The following CCDC3 variants were observed in gnomAD, a reference collection of about 807,000 sequenced individuals.
The protein encoded by CCDC3 is coiled-coil domain-containing protein 3.
In CCDC3, 24 loss-of-function variants were observed where a neutral mutation model predicts 21.4. The ratio of observed to expected loss-of-function variants is 1.12; its 90% CI spans 0.81 to 1.58. The LOEUF (loss-of-function observed/expected upper bound fraction) is 1.58. Ranked by LOEUF, CCDC3 falls within the 40% of genes most tolerant of loss-of-function variation. The probability of loss-of-function intolerance (pLI) is 0.00; values close to 1 mark genes in which losing one functional copy is unlikely to be tolerated. For missense variants in CCDC3, 425 were observed against 360.9 expected, an observed-to-expected ratio of 1.18 and a Z score of -1.44; for synonymous variants, 186 against 166.0, an observed-to-expected ratio of 1.12 and a Z score of -0.93.
chr10:12,928,514 C>T (rs898895636), intron 2 of CCDC3, among the ~76,000 whole-genome samples: 1 of 152,178 alleles, frequency 6.6e-6, no homozygotes, highest in Non-Finnish European at 1.5e-5. Flanking sequence ...TTTTCTTATT[C>T]TCTTGGCAGG....
At chr10:13,085,124 G>T (rs1175221934) in intron 3 of CCDC3, among the ~76,000 whole-genome samples, 1 of 152,108 alleles carries the variant, frequency 6.6e-6, no homozygotes, top group Non-Finnish European at 1.5e-5. Context: ...AAGTGTTCTG[G>T]CTTCCAGGCA....
intron 2 of CCDC3, among the ~76,000 whole-genome samples, chr10:12,922,103 G>A (rs1166279266): frequency 2.6e-5 from 4 of 152,032 alleles, no homozygotes; most frequent in African/African-American, 9.6e-5. Flanking sequence ...TTACCACCAT[G>A]TACAGTCCAG....
chr10:13,097,258 A>G (rs1337550708), intron 3 of CCDC3, among the ~76,000 whole-genome samples: 2 of 152,210 alleles, frequency 1.3e-5, no homozygotes, highest in Non-Finnish European at 2.9e-5. Flanking sequence ...GTGTGCAGGA[A>G]GATGGAGTCA....
chr10:12,990,445 G>T (rs1835664407), intron 2 of CCDC3, among the ~76,000 whole-genome samples: 1 of 152,116 alleles, frequency 6.6e-6, no homozygotes, highest in African/African-American at 2.4e-5. Flanking sequence ...CTTTCTTCAT[G>T]AAACACTATT....
At chr10:12,933,801 G>A (rs1466192034) in intron 2 of CCDC3, among the ~76,000 whole-genome samples, 1 of 152,088 alleles carries the variant, frequency 6.6e-6, no homozygotes, top group East Asian at 1.9e-4. Context: ...GGGATCTGTA[G>A]TGATGGCCCC....
Position 12,982,611 on chromosome 10 carries a change from T to A in CCDC3, c.549+15727A>T, listed in dbSNP as rs933144734. Among the ~76,000 whole-genome samples, 3 of 151,330 alleles carry A rather than the reference T, an allele frequency of 2.0e-5. No individual in the cohort carries two copies. The East Asian group carries it at 5.8e-4, about 29-fold the overall frequency. On this transcript the variant is annotated intron_variant, in intron 2 of 2. Coordinates refer to ENST00000378825, the MANE Select transcript of CCDC3 (RefSeq NM_031455.4). ...GAGTTCAAGACCAGCCTGACCAACA[T>A]GGTGAAATCCCATCTCTACTAAAAA...
At chr10:12,913,249 CA>C (rs1312443763) in intron 2 of CCDC3, among the ~76,000 whole-genome samples, 2 of 152,166 alleles carry the variant, frequency 1.3e-5, no homozygotes, top group African/African-American at 2.4e-5. Context: ...TTTGTATCTT[CA>C]GTTTTTTCCA....
chr10:12,916,547 G>T (rs1834360324), intron 2 of CCDC3, among the ~76,000 whole-genome samples: 1 of 151,650 alleles, frequency 6.6e-6, no homozygotes, highest in African/African-American at 2.4e-5. Flanking sequence ...TTGAACCTGG[G>T]AGGCAGAGGT....
intron 2 of CCDC3, among the ~76,000 whole-genome samples, chr10:12,909,715 T>A (rs905673911): frequency 6.6e-6 from 1 of 152,032 alleles, no homozygotes; most frequent in Non-Finnish European, 1.5e-5. Context: ...GGGTACCAGG[T>A]CTCCCAAGGA....
chr10:12,940,215 G>C (rs1460659830), intron 2 of CCDC3, among the ~76,000 whole-genome samples: 2 of 138,524 alleles, frequency 1.4e-5, no homozygotes, highest in East Asian at 2.2e-4. Context: ...TCTGGAGAAA[G>C]AATCATTGAA....
chr10:13,061,407 A>G (rs976297554), intron 4 of CCDC3, among the ~76,000 whole-genome samples: 4 of 152,326 alleles, frequency 2.6e-5, no homozygotes, highest in Middle Eastern at 3.4e-3. Context: ...CTCAAAGGTG[A>G]TGGCTGGGAG....
intron 2 of CCDC3, among the ~76,000 whole-genome samples, chr10:12,954,619 C>T (rs1835056390): frequency 6.6e-6 from 1 of 152,138 alleles, no homozygotes; most frequent in Non-Finnish European, 1.5e-5. Context: ...AGGCACCAGG[C>T]TCTTTTTAAT....
chr10:13,031,510 G>C (rs1249067873), intron 5 of CCDC3, among the ~76,000 whole-genome samples: 2 of 152,134 alleles, frequency 1.3e-5, no homozygotes, highest in Non-Finnish European at 2.9e-5. Context: ...CAGAACTGAA[G>C]GAGATAGAGA....
chr10:12,965,056 CTT>C (rs925156311), intron 2 of CCDC3, among the ~76,000 whole-genome samples: 7 of 152,134 alleles, frequency 4.6e-5, no homozygotes, highest in Admixed American at 2.6e-4. Flanking sequence ...AAAATTAACT[CTT>C]ATCACAGGAG....
intron 2 of CCDC3, among the ~76,000 whole-genome samples, chr10:12,967,018 C>T (rs2131261558): frequency 6.6e-6 from 1 of 152,306 alleles, no homozygotes; most frequent in South Asian, 2.1e-4. Flanking sequence ...GTCCCTTCAT[C>T]TTCTGGGCTT....
intron 2 of CCDC3, among the ~76,000 whole-genome samples, chr10:12,922,099 C>G (rs1250294620): frequency 6.6e-6 from 1 of 152,060 alleles, no homozygotes; most frequent in Non-Finnish European, 1.5e-5. Flanking sequence ...AACATTACCA[C>G]CATGTACAGT....
At chr10:13,052,938 T>TCTCACACA (rs374924652) in intron 4 of CCDC3, among the ~76,000 whole-genome samples, 2 of 134,336 alleles carry the variant, frequency 1.5e-5, no homozygotes, top group African/African-American at 5.6e-5. Context: ...TGAGACTCTG[T>TCTCACACA]CACACACACA....
chr10:12,984,214 A>G (rs1835552464), intron 2 of CCDC3, among the ~76,000 whole-genome samples: 1 of 152,220 alleles, frequency 6.6e-6, no homozygotes, highest in African/African-American at 2.4e-5. Flanking sequence ...CAACAATAAA[A>G]AGACAACCTA....
At chr10:13,060,094 C>T (rs984103438) in intron 4 of CCDC3, among the ~76,000 whole-genome samples, 1 of 152,008 alleles carries the variant, frequency 6.6e-6, no homozygotes, top group African/African-American at 2.4e-5. Flanking sequence ...AAAACAAAAA[C>T]AAAAAACATT....
Sources: allele counts gnomAD v4.1 joint callset (sites outside exome capture counted in the v4.1 genomes callset), GRCh38; gene constraint gnomAD v4.1.1; transcripts MANE v1.5; gene names NCBI Gene and HGNC (gene_info 2026-07-23, HGNC 2026-07-21).